SYNE2: variants seen among roughly 807,000 people sequenced by gnomAD.
SYNE2 encodes the protein spectrin repeat containing nuclear envelope protein 2, also known as nesprin-2.
A neutral mutation model predicts 856.3 loss-of-function variants in SYNE2; 431 were observed. That is an observed-to-expected ratio of 0.50 (90% CI 0.47 to 0.55). The LOEUF is 0.55. Among genes scored for constraint, SYNE2 ranks in the 20% least tolerant of loss-of-function variants. SYNE2 has a pLI of 0.00. For synonymous variants in SYNE2, 2,923 were observed against 2,872.3 expected, an observed-to-expected ratio of 1.02 and a Z score of -0.56; for missense variants, 8,129 against 8,023.2, an observed-to-expected ratio of 1.01 and a Z score of -0.50.
At chr14:63,793,670 C>T (rs1033713295) in intron 1 of SYNE2, among the ~76,000 whole-genome samples, 8 of 152,118 alleles carry the variant, frequency 5.3e-5, no homozygotes, top group Non-Finnish European at 7.3e-5. Flanking sequence ...GCACAGTTGG[C>T]TCATGCCTAT....
intron 1 of SYNE2, among the ~76,000 whole-genome samples, chr14:63,876,557 C>T (rs1015950799): frequency 1.3e-5 from 2 of 151,482 alleles, no homozygotes; most frequent in Non-Finnish European, 2.9e-5. Context: ...GCGTGATTTC[C>T]GCTCACTGCA....
chr14:64,184,255 C>A lies in SYNE2; in HGVS notation c.17557-2169C>A, dbSNP rs185899663. On this transcript the variant is annotated intron_variant, in intron 96 of 115. Coordinates refer to ENST00000555002, the MANE Select transcript of SYNE2 (RefSeq NM_182914.3). ...AGGTTCTGGGCACTGAATCCGTGAG[C>A]AGTGTTGTCATGGTCCCTGCCATGT... 1.5e-4 allele frequency among the ~76,000 whole-genome samples: 23 copies of A among 151,968 alleles called. No homozygotes were observed. In the East Asian group the frequency reaches 2.3e-3, roughly 15 times the overall value.
rs1215897970 is a variant in SYNE2, at chr14:64,146,204, A to G, written c.15620A>G (p.Lys5207Arg). 1 of 1,611,820 alleles carries G rather than the reference A, an allele frequency of 6.2e-7. No individual in the cohort carries two copies. The highest frequency in any genetic ancestry group is 1.7e-5 in the Admixed American group (1 of 59,540). Residue 5207 changes from lysine (K) to arginine (R), a missense_variant, in exon 84 of 116, where the codon AAG becomes AGG. Lys to Arg is a conservative substitution (Grantham distance 26). Transcript: ENST00000555002. ...CCTGAAAGTGTGATCTCAGTGCAGAAGCTGCTCCTGGACTGTCAGGTGAGG... is the reference window on the plus strand; with the variant it reads ...CCTGAAAGTGTGATCTCAGTGCAGAGGCTGCTCCTGGACTGTCAGGTGAGG... ...QKPESVISVQ[K>R]LLLDCQDIEN... is the part of the protein sequence containing the mutation.
At chr14:64,051,037 A>G (rs900217843) in intron 47 of SYNE2, among the ~76,000 whole-genome samples, 3 of 151,076 alleles carry the variant, frequency 2.0e-5, no homozygotes, top group Non-Finnish European at 2.9e-5. Flanking sequence ...AAAAAAAAAG[A>G]TTTGTTTTAT....
Position 63,997,053 on chromosome 14 carries a change from A to G in SYNE2, c.3047A>G (p.Lys1016Arg), listed in dbSNP as rs763475436. 16 of 1,614,034 alleles carry G rather than the reference A, an allele frequency of 9.9e-6. No homozygotes were observed. Among genetic ancestry groups the G allele is most frequent in the Non-Finnish European group, 1.7e-6 (2 of 1,180,010 alleles). ...TCACAGAAGAGTCAACAAGAAGTGAAGAGACTACTCAAAGATTATGAACAA... is the reference window on the plus strand; with the variant it reads ...TCACAGAAGAGTCAACAAGAAGTGAGGAGACTACTCAAAGATTATGAACAA... ...LPSQKSQQEV[K>R]RLLKDYEQKI... The change falls in exon 24 of 116, where the codon AAG (lysine) becomes AGG (arginine). Residue 1016 changes from lysine (K) to arginine (R), a missense_variant. By Grantham distance (26) the Lys-to-Arg change is conservative. Coordinates refer to ENST00000555002, the MANE Select transcript of SYNE2 (RefSeq NM_182914.3).
chr14:64,215,501 G>A (rs1195629221), intron 107 of SYNE2, 147 bp downstream of exon 107: 16 of 833,410 alleles, frequency 1.9e-5, no homozygotes, highest in South Asian at 9.4e-5. Context: ...TTACACTGCC[G>A]TACTCACCCA....
At chr14:64,207,655 T>C (rs2098613608) in intron 100 of SYNE2, among the ~76,000 whole-genome samples, 1 of 152,150 alleles carries the variant, frequency 6.6e-6, no homozygotes, top group Admixed American at 6.5e-5. Flanking sequence ...TTATATTGCC[T>C]TTCTGTAGAT....
intron 8 of SYNE2, among the ~76,000 whole-genome samples, chr14:63,957,975 G>C (rs909873211): frequency 6.6e-6 from 1 of 152,048 alleles, no homozygotes; most frequent in Non-Finnish European, 1.5e-5. Flanking sequence ...CCGGGAGGTG[G>C]AGGTTGCAGT....
intron 1 of SYNE2, among the ~76,000 whole-genome samples, chr14:63,790,283 C>T (rs533409557): frequency 1.3e-5 from 2 of 151,504 alleles, no homozygotes; most frequent in African/African-American, 4.8e-5. Context: ...CTACAGGGAG[C>T]TGTGATTGTA....
At chr14:63,782,867 A>T (rs560176086) in intron 1 of SYNE2, among the ~76,000 whole-genome samples, 1 of 152,158 alleles carries the variant, frequency 6.6e-6, no homozygotes, top group South Asian at 2.1e-4. Flanking sequence ...AATTAAATTG[A>T]AATAATTAAA....
At chr14:63,969,452 T>C (rs1255894) in intron 11 of SYNE2, among the ~76,000 whole-genome samples, 77,523 of 150,024 alleles carry the variant, frequency 0.52, 21,053 homozygotes, top group African/African-American at 0.7. Context: ...AAGTGATTCT[T>C]TGCCTCAGCC....
At chr14:63,836,248 T>C (rs1042524596) in intron 1 of SYNE2, among the ~76,000 whole-genome samples, 3 of 152,148 alleles carry the variant, frequency 2.0e-5, no homozygotes, top group Non-Finnish European at 4.4e-5. Context: ...GGTCTCGAAC[T>C]CCTGGGCTCA....
chr14:63,970,363 A>AT (rs1223634081), intron 11 of SYNE2, among the ~76,000 whole-genome samples: 1 of 152,040 alleles, frequency 6.6e-6, no homozygotes, highest in Non-Finnish European at 1.5e-5. Context: ...AAAGTTTTAA[A>AT]TTTTTTGTAG....
intron 87 of SYNE2, among the ~76,000 whole-genome samples, chr14:64,161,795 AAG>A (rs1234700399): frequency 1.3e-5 from 2 of 152,184 alleles, no homozygotes; most frequent in African/African-American, 4.8e-5. Flanking sequence ...CTCTTAAAAA[AAG>A]AGAGTGAAAC....
At chr14:63,967,924 A>C in intron 11 of SYNE2, 78 bp downstream of exon 11, 1 of 1,475,568 alleles carries the variant, frequency 6.8e-7, no homozygotes, top group Non-Finnish European at 9.4e-7. Context: ...GCACTTTGGG[A>C]GACCAAGGCG....
chr14:64,078,988 C>G (rs1392566024), intron 55 of SYNE2, among the ~76,000 whole-genome samples: 1 of 152,170 alleles, frequency 6.6e-6, no homozygotes, highest in Non-Finnish European at 1.5e-5. Context: ...ACGAAAATCA[C>G]TTGAACCCAG....
intron 61 of SYNE2, among the ~76,000 whole-genome samples, chr14:64,097,399 A>G (rs1418490554): frequency 6.6e-6 from 1 of 152,254 alleles, no homozygotes; most frequent in Non-Finnish European, 1.5e-5. Flanking sequence ...TAAAAGAATG[A>G]GATTTCTGTC....
At chr14:63,897,178 G>A (rs931592370) in intron 1 of SYNE2, among the ~76,000 whole-genome samples, 2 of 152,082 alleles carry the variant, frequency 1.3e-5, no homozygotes, top group East Asian at 1.9e-4. Context: ...GCTTGAACCC[G>A]GGAGGTGGAG....
intron 96 of SYNE2, among the ~76,000 whole-genome samples, chr14:64,184,319 T>C (rs2098477246): frequency 8.0e-6 from 1 of 125,354 alleles, no homozygotes; most frequent in Non-Finnish European, 1.8e-5. Flanking sequence ...AGCCACACTG[T>C]ATGCATAGGG....
Sources: gnomAD v4.1 joint callset for allele counts (sites outside exome capture counted in the v4.1 genomes callset) on GRCh38, gnomAD v4.1.1 for gene constraint, MANE v1.5 for transcripts, NCBI Gene and HGNC (gene_info 2026-07-23, HGNC 2026-07-21) for gene names.